Variants in SLC29A3 observed in about 807,000 individuals in gnomAD.
The protein encoded by SLC29A3 is solute carrier family 29 member 3, also known as equilibrative nucleoside transporter 3.
A neutral mutation model predicts 25.4 loss-of-function variants in SLC29A3; 18 were observed. The observed-to-expected ratio is 0.71, with a 90% CI of 0.49 to 1.05. The LOEUF (loss-of-function observed/expected upper bound fraction) is 1.05, where lower values mean the gene tolerates loss of function less well. Among genes scored for constraint, SLC29A3 ranks in the 50% least tolerant of loss-of-function variants. SLC29A3 has a pLI of 0.00. For synonymous variants in SLC29A3, 258 were observed against 267.1 expected, an observed-to-expected ratio of 0.97 and a Z score of 0.33; for missense variants, 586 against 609.0, an observed-to-expected ratio of 0.96 and a Z score of 0.40.
intron 5 of SLC29A3, among the ~76,000 whole-genome samples, chr10:71,361,744 C>T (rs1291249004): frequency 5.3e-5 from 8 of 152,230 alleles, no homozygotes; most frequent in South Asian, 4.1e-4. Flanking sequence ...ATGGCCACCG[C>T]GCTGGCAGGC....
intron 2 of SLC29A3, 81 bp from the exon 3 acceptor site, chr10:71,344,128 G>T: frequency 1.8e-6 from 2 of 1,125,042 alleles, no homozygotes; most frequent in South Asian, 1.2e-5. Context: ...CCCACAGAGA[G>T]GGGCCCTGTC....
At chr10:71,335,533 G>A (rs1394364263) in intron 2 of SLC29A3, among the ~76,000 whole-genome samples, 1 of 152,200 alleles carries the variant, frequency 6.6e-6, no homozygotes, top group Admixed American at 6.5e-5. Flanking sequence ...TGGAGGGGAT[G>A]CCTGGGGGAG....
intron 2 of SLC29A3, among the ~76,000 whole-genome samples, chr10:71,342,740 C>G (rs528723468): frequency 6.6e-6 from 1 of 152,216 alleles, no homozygotes; most frequent in African/African-American, 2.4e-5. Flanking sequence ...GACTGAGTGC[C>G]CCCGACCAGT....
downstream of SLC29A3, chr10:71,364,470 T>C (rs1407941618): frequency 6.6e-6 from 1 of 152,190 alleles, no homozygotes; most frequent in East Asian, 1.9e-4. Context: ...CCCAAAAGCC[T>C]ATTCCTTGGA....
chr10:71,352,235 A>G (rs971761999), intron 4 of SLC29A3, among the ~76,000 whole-genome samples: 3 of 152,120 alleles, frequency 2.0e-5, no homozygotes, highest in African/African-American at 7.2e-5. Context: ...ATCCAGGCAG[A>G]AGCTTTATTT....
intron 1 of SLC29A3, among the ~76,000 whole-genome samples, chr10:71,320,053 A>G (rs150000124): frequency 2.4e-4 from 37 of 152,346 alleles, no homozygotes; most frequent in African/African-American, 8.7e-4. Context: ...ATAAAGACTA[A>G]TAAGACTTTG....
chr10:71,353,281 T>G (rs1025718192), intron 4 of SLC29A3, among the ~76,000 whole-genome samples: 1 of 152,214 alleles, frequency 6.6e-6, no homozygotes, highest in African/African-American at 2.4e-5. Flanking sequence ...TGTTGCTAAG[T>G]TTCCTGGGTG....
At chr10:71,350,353 T>TGTA in intron 3 of SLC29A3, among the ~76,000 whole-genome samples, 1 of 76,026 alleles carries the variant, frequency 1.3e-5, no homozygotes, top group Non-Finnish European at 3.6e-5. Context: ...GTGTGTGTAT[T>TGTA]TTTCCTACCT....
At chr10:71,367,912 G>A (rs1415974859), downstream of SLC29A3, among the ~76,000 whole-genome samples, 1 of 152,150 alleles carries the variant, frequency 6.6e-6, no homozygotes, top group African/African-American at 2.4e-5. Context: ...CGTCCTGCTG[G>A]TGCCCTTTTC....
At chr10:71,367,109 A>T (rs944164663), downstream of SLC29A3, among the ~76,000 whole-genome samples, 16 of 152,140 alleles carry the variant, frequency 1.1e-4, no homozygotes, top group Non-Finnish European at 8.8e-5. Context: ...GTTGTAGGGG[A>T]ATGGCTTTCA....
chr10:71,339,335 G>A (rs1451584078), intron 2 of SLC29A3, among the ~76,000 whole-genome samples: 1 of 152,200 alleles, frequency 6.6e-6, no homozygotes, highest in Non-Finnish European at 1.5e-5. Context: ...CTTAGAGACT[G>A]GATGTTGAGT....
chr10:71,367,639 C>A (rs113905028), downstream of SLC29A3, among the ~76,000 whole-genome samples: 3 of 152,184 alleles, frequency 2.0e-5, no homozygotes, highest in African/African-American at 7.2e-5. Context: ...CCTGAGATGG[C>A]GAACTCAACT....
At chr10:71,342,525 C>T (rs1349356728) in intron 2 of SLC29A3, among the ~76,000 whole-genome samples, 1 of 152,270 alleles carries the variant, frequency 6.6e-6, no homozygotes, top group Non-Finnish European at 1.5e-5. Context: ...TTCAGGGAAC[C>T]TGAGCCTGCT....
chr10:71,363,783 AT>A (rs35956296), downstream of SLC29A3, among the ~76,000 whole-genome samples: 10 of 121,080 alleles, frequency 8.3e-5, no homozygotes, highest in Admixed American at 8.5e-5. Flanking sequence ...TAATTTGAGG[AT>A]TTTTTTTTCT....
At chr10:71,358,280 C>T (rs1846967440) in intron 5 of SLC29A3, among the ~76,000 whole-genome samples, 1 of 152,186 alleles carries the variant, frequency 6.6e-6, no homozygotes, top group African/African-American at 2.4e-5. Context: ...CCCTAGAACC[C>T]CCAGCCTTTC....
chr10:71,334,885 T>C (rs1028047189), intron 2 of SLC29A3, among the ~76,000 whole-genome samples: 1 of 152,164 alleles, frequency 6.6e-6, no homozygotes, highest in South Asian at 2.1e-4. Flanking sequence ...ATTATTTGTA[T>C]TTTAGTTTTA....
chr10:71,375,673 A>T (rs1228936206), intron 3 of SLC29A3: 1 of 152,246 alleles, frequency 6.6e-6, no homozygotes, highest in Non-Finnish European at 1.5e-5. Context: ...CTCGGACGTG[A>T]CTAATATTAT....
At chr10:71,328,213 G>A (rs373204084) in intron 2 of SLC29A3, among the ~76,000 whole-genome samples, 19 of 152,264 alleles carry the variant, frequency 1.2e-4, no homozygotes, top group African/African-American at 3.9e-4. Flanking sequence ...ACCCGGGCTA[G>A]GCACTCTACT....
chr10:71,333,055 T>C (rs1846157771), intron 2 of SLC29A3, among the ~76,000 whole-genome samples: 1 of 152,244 alleles, frequency 6.6e-6, no homozygotes, highest in Non-Finnish European at 1.5e-5. Context: ...CCTGGACAAA[T>C]TAGAAGATGG....
Sources: gnomAD v4.1 joint callset for allele counts (sites outside exome capture counted in the v4.1 genomes callset) on GRCh38, gnomAD v4.1.1 for gene constraint, MANE v1.5 for transcripts, NCBI Gene and HGNC (gene_info 2026-07-23, HGNC 2026-07-21) for gene names.